ADAM28: variants seen among roughly 807,000 people sequenced by gnomAD.
The protein encoded by ADAM28 is disintegrin and metalloproteinase domain-containing protein 28.
In ADAM28, 105 loss-of-function variants were observed where a neutral mutation model predicts 101.2. The ratio of observed to expected loss-of-function variants is 1.04; its 90% confidence interval spans 0.89 to 1.22. The LOEUF (loss-of-function observed/expected upper bound fraction) is 1.22, where lower values mean the gene tolerates loss of function less well. Ranked by LOEUF, ADAM28 falls within the 50% of genes most tolerant of loss-of-function variation. The pLI is 0.00. For missense variants in ADAM28, 1,028 were observed against 945.4 expected (o/e 1.09, Z -1.15); for synonymous variants, 322 against 310.6 (o/e 1.04, Z -0.39).
At chr8:24,308,227 A>G (rs1809965056) in intron 2 of ADAM28, among the ~76,000 whole-genome samples, 1 of 152,222 alleles carries the variant, frequency 6.6e-6, no homozygotes, top group South Asian at 2.1e-4. Flanking sequence ...CAGAACCTAC[A>G]GAGTACACAA....
rs931510750 is a variant in ADAM28, at chr8:24,336,084, G to C, written c.1567+443G>C. 4 of 989,510 alleles carry C rather than the reference G, an allele frequency of 4.0e-6. No homozygotes were observed. In the African/African-American group the frequency reaches 7.0e-5, roughly 17 times the overall value. The allele number at this position is 989,510 out of a possible 1,614,324, so 61.3% of individuals were successfully genotyped here. A position where few individuals can be genotyped will look rare whatever the true frequency, so the allele number is the denominator to read the frequency against. ...TGCAGGGGTGGCAGAAGTACTGTGG[G>C]ATGGGACAGAAATAAGAAAAGATGG... On this transcript the variant is annotated intron_variant, in intron 14 of 22. Coordinates refer to ENST00000265769, the MANE Select transcript of ADAM28 (RefSeq NM_014265.6).
At chr8:24,339,680 C>T in intron 15 of ADAM28, 112 bp downstream of exon 15, 2 of 913,002 alleles carry the variant, frequency 2.2e-6, no homozygotes, top group Non-Finnish European at 3.3e-6. Flanking sequence ...GGTCATCAAT[C>T]ATTTGACAAA....
intron 22 of ADAM28, among the ~76,000 whole-genome samples, chr8:24,354,049 A>T (rs1422774554): frequency 6.6e-6 from 1 of 152,076 alleles, no homozygotes; most frequent in African/African-American, 2.4e-5. Flanking sequence ...AGACACCAAT[A>T]TTATTTATTT....
chr8:24,355,387 A>C lies in ADAM28; in HGVS notation c.*983A>C, dbSNP rs1456655907. On this transcript the variant is annotated 3_prime_UTR_variant, in exon 23 of 23. Transcript: ENST00000265769. ...GTTCACCTGCCCACTTCTAGGAAAG[A>C]ATATCCTATCTAATCTATCTATCTC... 1 of 11,850 alleles carries C rather than the reference A, an allele frequency of 8.4e-5. No homozygotes were observed. Among genetic ancestry groups the C allele is most frequent in the Non-Finnish European group, 2.5e-4 (1 of 4,016 alleles). The allele number at this position is 11,850 out of a possible 1,614,324, so 0.7% of individuals were successfully genotyped here.
Position 24,331,251 on chromosome 8 carries a change from C to T in ADAM28, c.1205C>T (p.Thr402Ile). ...TGCCTCTTTAATGCTCCATTGCCTA[C>T]AGATATCATATCCACTCCAATTTGT... The part of the protein sequence containing the change: ...SNCLFNAPLP[T>I]DIISTPICGN... The change falls in exon 12 of 23, where the codon ACA becomes ATA. Residue 402 changes from threonine (T) to isoleucine (I), a missense_variant. Coordinates refer to ENST00000265769, the MANE Select transcript of ADAM28 (RefSeq NM_014265.6). 6.2e-7 allele frequency: 1 copy of T among 1,613,098 alleles called. No homozygotes were observed. Among genetic ancestry groups the T allele is most frequent in the Non-Finnish European group, 8.5e-7 (1 of 1,179,518 alleles).
chr8:24,331,079 C>T (rs1427207681), intron 11 of ADAM28, 71 bp from the exon 12 acceptor site: 8 of 1,435,526 alleles, frequency 5.6e-6, no homozygotes, highest in East Asian at 2.4e-5. Context: ...GTAATTGTGC[C>T]TAATGTCAGA....
intron 13 of ADAM28, among the ~76,000 whole-genome samples, chr8:24,333,138 G>A (rs1487336832): frequency 6.6e-6 from 1 of 152,180 alleles, no homozygotes; most frequent in African/African-American, 2.4e-5. Context: ...CGCAAACAGA[G>A]TAGAATGGTG....
chr8:24,343,725 C>T (rs1298018542), intron 18 of ADAM28, 141 bp downstream of exon 18: 4 of 707,946 alleles, frequency 5.7e-6, no homozygotes, highest in African/African-American at 1.8e-5. Context: ...AATATTTATC[C>T]CCCAAATCTC....
Position 24,339,470 on chromosome 8 carries a change from TGAG to T in ADAM28, c.1574_1576del (p.Glu525del). 1 of 1,612,430 alleles carries T rather than the reference TGAG, an allele frequency of 6.2e-7. No homozygotes were observed. Among genetic ancestry groups the T allele is most frequent in the Non-Finnish European group, 8.5e-7 (1 of 1,179,032 alleles). ...GCTGACTGATCCTGGTCCCAGGAAC[TGAG>T]GTTGCAGATAAGTCATGTTACAACA... On this transcript the variant is annotated inframe_deletion, in exon 15 of 23. Coordinates refer to ENST00000265769, the MANE Select transcript of ADAM28 (RefSeq NM_014265.6).
chr8:24,317,222 A>C (rs1197791086), intron 6 of ADAM28, among the ~76,000 whole-genome samples: 1 of 152,074 alleles, frequency 6.6e-6, no homozygotes, highest in Non-Finnish European at 1.5e-5. Context: ...GAACCACAGA[A>C]TATCCCAAAT....
intron 19 of ADAM28, 37 bp downstream of exon 19, chr8:24,350,009 G>A (rs1288344321): frequency 6.3e-7 from 1 of 1,581,470 alleles, no homozygotes; most frequent in Non-Finnish European, 8.7e-7. Context: ...GGGACTCTTT[G>A]ACCCCTATTT....
chr8:24,342,806 T>A (rs139162130), intron 16 of ADAM28, among the ~76,000 whole-genome samples: 184 of 152,282 alleles, frequency 1.2e-3, no homozygotes, highest in African/African-American at 4.4e-3. Flanking sequence ...GGCATTAAGA[T>A]CATCTCATTA....
chr8:24,319,683 T>G (rs886661923), intron 6 of ADAM28, among the ~76,000 whole-genome samples: 3 of 151,914 alleles, frequency 2.0e-5, no homozygotes, highest in Admixed American at 2.0e-4. Flanking sequence ...AACTTTTTTT[T>G]TTTTTGAGAT....
At chr8:24,315,227 G>T (rs542540105) in intron 6 of ADAM28, among the ~76,000 whole-genome samples, 1 of 151,884 alleles carries the variant, frequency 6.6e-6, no homozygotes, top group African/African-American at 2.4e-5. Context: ...GAAAGAAAAA[G>T]ATGGAAGAAC....
At chr8:24,302,788 A>C (rs1808975744) in intron 2 of ADAM28, among the ~76,000 whole-genome samples, 1 of 151,846 alleles carries the variant, frequency 6.6e-6, no homozygotes, top group Non-Finnish European at 1.5e-5. Context: ...TAAAAATTAT[A>C]CCTTAAGTTC....
chr8:24,320,630 G>A (rs1811745491), intron 7 of ADAM28, among the ~76,000 whole-genome samples: 1 of 151,790 alleles, frequency 6.6e-6, no homozygotes, highest in African/African-American at 2.4e-5. Context: ...TAAATCATTT[G>A]TAAATTAAAC....
Position 24,343,526 on chromosome 8 carries a change from G to A in ADAM28, c.1932G>A (p.Gln644=). The A allele has an allele frequency of 6.2e-7, 1 of 1,613,796 alleles. No homozygotes were observed. The highest frequency in any genetic ancestry group is 8.5e-7 in the Non-Finnish European group (1 of 1,179,800). ...KGHAVCDHEL[Q]CQCEEGWIPP... ...CCTAGGTGTGTGACCATGAGCTCCAGTGTCAATGTGAGGAAGGATGGATCC... is the reference window on the plus strand; with the variant it reads ...CCTAGGTGTGTGACCATGAGCTCCAATGTCAATGTGAGGAAGGATGGATCC... Residue 644 remains glutamine, a synonymous_variant, in exon 18 of 23, where the codon CAG becomes CAA. Coordinates refer to ENST00000265769, the MANE Select transcript of ADAM28 (RefSeq NM_014265.6).
chr8:24,310,339 G>T, intron 4 of ADAM28, 98 bp downstream of exon 4: 3 of 1,033,242 alleles, frequency 2.9e-6, no homozygotes, highest in Non-Finnish European at 2.8e-6. Flanking sequence ...AACTGCATTT[G>T]TAACATTAGT....
chr8:24,356,248 G>T lies in ADAM28; in HGVS notation c.*1844G>T, dbSNP rs4404928. 1 of 152,158 alleles carries T rather than the reference G, an allele frequency of 6.6e-6. No homozygotes were observed. The highest frequency in any genetic ancestry group is 1.5e-5 in the Non-Finnish European group (1 of 68,050). 9.4% of individuals were successfully genotyped at this position (152,158 alleles called of 1,614,324 possible). On this transcript the variant is annotated 3_prime_UTR_variant, in exon 23 of 23. Transcript: ENST00000265769. Reference sequence around the variant, plus strand: ...TTTCCTGGAAAGCCATTATGTACTCGTGACCAACTTGTGAACTTTTCTGTG... The same window carrying T: ...TTTCCTGGAAAGCCATTATGTACTCTTGACCAACTTGTGAACTTTTCTGTG...
Sources: gnomAD v4.1 joint callset for allele counts (sites outside exome capture counted in the v4.1 genomes callset) on GRCh38, gnomAD v4.1.1 for gene constraint, MANE v1.5 for transcripts, NCBI Gene and HGNC (gene_info 2026-07-23, HGNC 2026-07-21) for gene names.